Variants in EPHX2 observed in about 807,000 individuals in gnomAD.
The protein encoded by EPHX2 is epoxide hydrolase 2.
In EPHX2, 74 loss-of-function variants were observed where a neutral mutation model predicts 78.7. The observed-to-expected ratio is 0.94, with a 90% confidence interval of 0.78 to 1.14. The LOEUF (loss-of-function observed/expected upper bound fraction) is 1.14. Ranked by LOEUF, EPHX2 falls within the 50% of genes most tolerant of loss-of-function variation. EPHX2 has a pLI of 0.00. For missense variants in EPHX2, 715 were observed against 702.5 expected, an observed-to-expected ratio of 1.02 and a Z score of -0.20; for synonymous variants, 251 against 255.2, an observed-to-expected ratio of 0.98 and a Z score of 0.16.
At chr8:27,514,176 A>G (rs557049888) in intron 6 of EPHX2, among the ~76,000 whole-genome samples, 3 of 152,082 alleles carry the variant, frequency 2.0e-5, no homozygotes, top group East Asian at 1.9e-4. Flanking sequence ...GGGTGGTGGT[A>G]TGCATCTGTG....
At chr8:27,520,776 A>T in intron 9 of EPHX2, 107 bp from the exon 10 acceptor site, 1 of 1,320,630 alleles carries the variant, frequency 7.6e-7, no homozygotes, top group Non-Finnish European at 1.1e-6. Context: ...CCTGGGGGTT[A>T]GGACTTCAAC....
In EPHX2 at chr8:27,516,187, A is replaced by G; in HGVS notation, c.832-133A>G. ...AATGGGCTTATTTCAGCTCCATGGCAAAGTTACCGGGTAGTGCCCTGTGGC... is the reference window on the plus strand; with the variant it reads ...AATGGGCTTATTTCAGCTCCATGGCGAAGTTACCGGGTAGTGCCCTGTGGC... On this transcript the variant is annotated intron_variant, in intron 7 of 18. Transcript: ENST00000521400. 3.3e-6 allele frequency: 3 copies of G among 917,142 alleles called. No individual in the cohort carries two copies. The South Asian group carries it at 4.7e-5, about 14-fold the overall frequency. The allele number at this position is 917,142 out of a possible 1,614,324, so 56.8% of individuals were successfully genotyped here.
chr8:27,516,277 G>A, intron 7 of EPHX2, 43 bp from the exon 8 acceptor site: 1 of 1,575,872 alleles, frequency 6.3e-7, no homozygotes, highest in Non-Finnish European at 8.7e-7. Context: ...TATCCGCCTA[G>A]GACTGATGGG....
At chr8:27,504,496 G>A (rs1813922695) in intron 3 of EPHX2, among the ~76,000 whole-genome samples, 1 of 152,174 alleles carries the variant, frequency 6.6e-6, no homozygotes, top group Non-Finnish European at 1.5e-5. Context: ...CAGGTATTCT[G>A]GAATTTAGTC....
rs1461349910 is a variant in EPHX2, at chr8:27,518,092, A to AGGTAAGAAG, written c.945+20_945+21insGGTAAGAAG. 1 of 1,593,066 alleles carries AGGTAAGAAG rather than the reference A, an allele frequency of 6.3e-7. No homozygotes were observed. The highest frequency in any genetic ancestry group is 1.2e-5 in the South Asian group (1 of 86,532). ...TGTAAGGTAAGAAGAATCTTGGGTA[A>AGGTAAGAAG]CATCTTCCCCATCCTGCGATTTTTG... On this transcript the variant is annotated intron_variant, in intron 9 of 18. Transcript: ENST00000521400.
rs113632672 is a variant in EPHX2, at chr8:27,511,935, G to A, written c.735+25G>A. On this transcript the variant is annotated intron_variant, in intron 6 of 18. Transcript: ENST00000521400. ...GGTGAGTCAGTTTTGTCTCTCAGTC[G>A]GCTAAGTGCTCTCCCACCAGGTCAC... 71 of 1,611,362 alleles carry A rather than the reference G, an allele frequency of 4.4e-5. 1 individual carries two copies. The African/African-American group carries it at 6.9e-4, about 16-fold the overall frequency.
intron 1 of EPHX2, among the ~76,000 whole-genome samples, chr8:27,494,703 G>T (rs1813511059): frequency 6.6e-6 from 1 of 152,204 alleles, no homozygotes; most frequent in Non-Finnish European, 1.5e-5. Flanking sequence ...TTGACTACTT[G>T]TTGGATGGTC....
At chr8:27,519,885 C>G (rs148436873) in intron 9 of EPHX2, among the ~76,000 whole-genome samples, 1 of 152,196 alleles carries the variant, frequency 6.6e-6, no homozygotes, top group Non-Finnish European at 1.5e-5. Flanking sequence ...GTCTGGCCAA[C>G]AAAGGCACAG....
intron 2 of EPHX2, among the ~76,000 whole-genome samples, chr8:27,501,394 T>TTCTTCC (rs376633107): frequency 5.5e-5 from 4 of 73,064 alleles, no homozygotes; most frequent in African/African-American, 1.3e-4. Flanking sequence ...CTTCTTCTTC[T>TTCTTCC]TTCTTCTTTC....
At chr8:27,523,563 G>A (rs1427805217) in intron 11 of EPHX2, among the ~76,000 whole-genome samples, 1 of 152,180 alleles carries the variant, frequency 6.6e-6, no homozygotes, top group Non-Finnish European at 1.5e-5. Flanking sequence ...CTAAGTTTAT[G>A]AGATTGGAAC....
intron 3 of EPHX2, among the ~76,000 whole-genome samples, chr8:27,504,616 G>A (rs749033155): frequency 6.6e-6 from 1 of 152,168 alleles, no homozygotes; most frequent in Admixed American, 6.5e-5. Flanking sequence ...GAATCTGGGA[G>A]GGTAGGATTG....
At chr8:27,505,471 A>G (rs1228980078) in intron 4 of EPHX2, among the ~76,000 whole-genome samples, 3 of 152,204 alleles carry the variant, frequency 2.0e-5, no homozygotes, top group Non-Finnish European at 2.9e-5. Flanking sequence ...CCACAAGACT[A>G]GTAGTCAGGT....
At chr8:27,540,521 G>A in intron 14 of EPHX2, 33 bp from the exon 15 acceptor site, 2 of 1,601,692 alleles carry the variant, frequency 1.2e-6, no homozygotes, top group South Asian at 1.1e-5. Context: ...CTGGCCCGGG[G>A]ATGGGAAAGT....
chr8:27,536,626 C>T (rs934428277), intron 12 of EPHX2, among the ~76,000 whole-genome samples, 158 bp from the exon 13 acceptor site: 31 of 152,154 alleles, frequency 2.0e-4, no homozygotes, highest in African/African-American at 6.8e-4. Flanking sequence ...TTTTAAAAGA[C>T]ATGTTTTATG....
At chr8:27,504,901 G>A in intron 3 of EPHX2, 55 bp from the exon 4 acceptor site, 1 of 1,589,146 alleles carries the variant, frequency 6.3e-7, no homozygotes, top group East Asian at 2.2e-5. Flanking sequence ...GGTATCTGGA[G>A]CATTTCAGGG....
At chr8:27,516,431 G>C in intron 8 of EPHX2, 33 bp downstream of exon 8, 1 of 1,603,000 alleles carries the variant, frequency 6.2e-7, no homozygotes, top group Admixed American at 1.7e-5. Context: ...GTCTTATGCT[G>C]GTCTTGCCTT....
chr8:27,496,616 C>T (rs528157997), intron 1 of EPHX2, among the ~76,000 whole-genome samples: 2 of 152,294 alleles, frequency 1.3e-5, no homozygotes, highest in Non-Finnish European at 2.9e-5. Flanking sequence ...CTCCACTGAA[C>T]GTTCGGTTTT....
chr8:27,516,463 G>A (rs72475846), intron 8 of EPHX2, 65 bp downstream of exon 8: 50 of 1,450,998 alleles, frequency 3.4e-5, no homozygotes, highest in Non-Finnish European at 4.3e-5. Context: ...AGCGCTCCAC[G>A]CCTCGGTGCT....
At chr8:27,531,491 C>T (rs1815040658) in intron 12 of EPHX2, among the ~76,000 whole-genome samples, 1 of 152,234 alleles carries the variant, frequency 6.6e-6, no homozygotes, top group Non-Finnish European at 1.5e-5. Context: ...GACAACCACC[C>T]CACTGTTTCT....
Sources: gnomAD v4.1 joint callset for allele counts (sites outside exome capture counted in the v4.1 genomes callset) on GRCh38, gnomAD v4.1.1 for gene constraint, MANE v1.5 for transcripts, NCBI Gene and HGNC (gene_info 2026-07-23, HGNC 2026-07-21) for gene names.